BACH2: variants seen among roughly 807,000 people sequenced by gnomAD.
The protein encoded by BACH2 is transcription regulator protein BACH2.
BACH2 carries 5 observed loss-of-function variants against 61.8 expected under a neutral mutation model. The observed-to-expected ratio is 0.08, with a 90% CI of 0.04 to 0.17. The LOEUF (loss-of-function observed/expected upper bound fraction) is 0.17. Among genes scored for constraint, BACH2 ranks in the 10% least tolerant of loss-of-function variants. BACH2 has a pLI of 1.00. For missense variants in BACH2, 824 were observed against 1,091.1 expected (o/e 0.76, Z 3.45); for synonymous variants, 446 against 440.1 (o/e 1.01, Z -0.17).
chr6:90,047,281 T>TG (rs1294530867), intron 5 of BACH2, among the ~76,000 whole-genome samples: 1 of 152,130 alleles, frequency 6.6e-6, no homozygotes, highest in East Asian at 1.9e-4. Flanking sequence ...TTATCAGGGA[T>TG]GGGGGGCAGA....
At chr6:90,220,401 A>C (rs1317219753) in intron 3 of BACH2, among the ~76,000 whole-genome samples, 1 of 152,264 alleles carries the variant, frequency 6.6e-6, no homozygotes, top group Non-Finnish European at 1.5e-5. Flanking sequence ...AAAAGAAAGA[A>C]TATCATTAAA....
chr6:90,229,716 T>C (rs1435716485), intron 3 of BACH2, among the ~76,000 whole-genome samples: 2 of 152,238 alleles, frequency 1.3e-5, no homozygotes, highest in Non-Finnish European at 2.9e-5. Flanking sequence ...TGTGCTCTGA[T>C]TCTCATAATT....
chr6:90,123,769 CAAAA>C (rs796903431), intron 4 of BACH2, among the ~76,000 whole-genome samples: 4 of 34,000 alleles, frequency 1.2e-4, no homozygotes, highest in African/African-American at 2.7e-4. Flanking sequence ...GACTCCGTCT[CAAAA>C]AAAAAAAAAA....
At chr6:90,123,633 A>G (rs1002314450) in intron 4 of BACH2, among the ~76,000 whole-genome samples, 10 of 150,644 alleles carry the variant, frequency 6.6e-5, no homozygotes, top group African/African-American at 1.2e-4. Context: ...AGCCGGGCGT[A>G]GTGGCGGGCG....
chr6:89,973,598 T>C (rs1050668317), intron 6 of BACH2, among the ~76,000 whole-genome samples: 5 of 152,172 alleles, frequency 3.3e-5, no homozygotes, highest in African/African-American at 9.7e-5. Flanking sequence ...TAACTTAATC[T>C]CACCCACAAA....
intron 3 of BACH2, among the ~76,000 whole-genome samples, chr6:90,207,096 G>A (rs1451777834): frequency 1.3e-5 from 2 of 151,920 alleles, no homozygotes; most frequent in South Asian, 2.1e-4. Flanking sequence ...TACAGTTTCA[G>A]GGTTCTTCTT....
intron 5 of BACH2, among the ~76,000 whole-genome samples, chr6:90,018,273 C>T (rs1251410664): frequency 6.6e-6 from 1 of 152,180 alleles, no homozygotes; most frequent in African/African-American, 2.4e-5. Flanking sequence ...TCTCTCTCTG[C>T]AGCTCTCTCT....
chr6:89,939,041 C>T (rs1773212836), intron 7 of BACH2, among the ~76,000 whole-genome samples: 1 of 152,174 alleles, frequency 6.6e-6, no homozygotes. Context: ...ATTTATTTTC[C>T]AATTTTACAA....
intron 5 of BACH2, among the ~76,000 whole-genome samples, chr6:90,052,825 T>G (rs1422611612): frequency 1.3e-5 from 2 of 152,250 alleles, no homozygotes; most frequent in African/African-American, 4.8e-5. Flanking sequence ...AAACACTGTA[T>G]AGCTGAATTG....
At chr6:89,953,828 C>T (rs1046886962) in intron 6 of BACH2, among the ~76,000 whole-genome samples, 11 of 152,210 alleles carry the variant, frequency 7.2e-5, no homozygotes, top group East Asian at 1.9e-4. Context: ...CTAACTGAAC[C>T]GATCAACTGA....
chr6:90,029,358 TAGG>T (rs777454706), intron 5 of BACH2, among the ~76,000 whole-genome samples: 72 of 152,244 alleles, frequency 4.7e-4, no homozygotes, highest in Middle Eastern at 6.8e-3. Context: ...GAGAGACTGT[TAGG>T]AGATGTAAAT....
intron 1 of BACH2, among the ~76,000 whole-genome samples, chr6:90,277,871 A>G (rs2127884906): frequency 6.6e-6 from 1 of 152,340 alleles, no homozygotes; most frequent in South Asian, 2.1e-4. Flanking sequence ...AGCAAGAAGA[A>G]TATACAAATG....
At chr6:90,064,461 G>A (rs1363119857) in intron 5 of BACH2, among the ~76,000 whole-genome samples, 2 of 152,186 alleles carry the variant, frequency 1.3e-5, no homozygotes, top group African/African-American at 4.8e-5. Flanking sequence ...GACCATGATG[G>A]GCTGCTTGCT....
intron 5 of BACH2, among the ~76,000 whole-genome samples, chr6:90,058,422 T>C (rs1392648778): frequency 6.6e-6 from 1 of 152,206 alleles, no homozygotes; most frequent in East Asian, 1.9e-4. Context: ...ACAAGGGATA[T>C]GAAGGAGCTC....
At chr6:90,197,819 A>C (rs986610185) in intron 4 of BACH2, among the ~76,000 whole-genome samples, 1 of 152,230 alleles carries the variant, frequency 6.6e-6, no homozygotes, top group Admixed American at 6.5e-5. Context: ...GCCTGTTTTA[A>C]TTAAGAAAAT....
Position 89,950,441 on chromosome 6 carries a change from T to C in BACH2, c.1665A>G (p.Arg555=). ...FSSSPCSQGA[R]FLATEHQEPG... ...GTTCCTGATGTTCTGTGGCAAGGAA[T>C]CTGGCTCCCTGGGAACAGGGCGAGG... The change falls in exon 7 of 9, where the codon AGA becomes AGG. Residue 555 remains arginine, a synonymous_variant. Transcript: ENST00000257749. The surrounding 1 kb of genome is among the most constrained non-coding windows in gnomAD (Gnocchi z 5.3). 6.2e-7 allele frequency: 1 copy of C among 1,614,140 alleles called. No homozygotes were observed.
intron 1 of BACH2, among the ~76,000 whole-genome samples, chr6:90,291,793 C>A (rs563366122): frequency 2.6e-5 from 4 of 152,132 alleles, no homozygotes; most frequent in African/African-American, 9.7e-5. Flanking sequence ...AGCGATTTTC[C>A]GTCATTCCCA....
chr6:90,136,842 CT>C (rs911635513), intron 4 of BACH2, among the ~76,000 whole-genome samples: 538 of 143,404 alleles, frequency 3.8e-3, no homozygotes, highest in Admixed American at 3.6e-3. Flanking sequence ...TCTTTTCTTT[CT>C]TTTTTTTTTT....
intron 4 of BACH2, among the ~76,000 whole-genome samples, chr6:90,175,145 G>A (rs1220225484): frequency 1.4e-4 from 22 of 152,106 alleles, no homozygotes; most frequent in Admixed American, 1.2e-3. Context: ...ATCTAAAGAA[G>A]TAAATGAACC....
Sources: allele counts gnomAD v4.1 joint callset (sites outside exome capture counted in the v4.1 genomes callset), GRCh38; gene constraint gnomAD v4.1.1; non-coding constraint Gnocchi (gnomAD v3.1); transcripts MANE v1.5; gene names NCBI Gene and HGNC (gene_info 2026-07-23, HGNC 2026-07-21).